The following GPC5 variants were observed in gnomAD, a reference collection of about 807,000 sequenced individuals.
GPC5 encodes the protein glypican-5.
Under a neutral mutation model 53.9 loss-of-function variants are expected in GPC5, and 47 were observed. The ratio of observed to expected loss-of-function variants is 0.87; its 90% confidence interval spans 0.69 to 1.11. The LOEUF is 1.11. GPC5 is among the 50% of genes most tolerant of loss of function. The pLI, the probability that GPC5 is intolerant of heterozygous loss-of-function variation, is 0.00. For synonymous variants in GPC5, 286 were observed against 263.3 expected, an observed-to-expected ratio of 1.09 and a Z score of -0.84; for missense variants, 748 against 713.1, an observed-to-expected ratio of 1.05 and a Z score of -0.56.
intron 2 of GPC5, among the ~76,000 whole-genome samples, chr13:91,498,007 A>G (rs776026190): frequency 1.3e-5 from 2 of 151,974 alleles, no homozygotes; most frequent in Non-Finnish European, 2.9e-5. Context: ...CCCCTGTCTA[A>G]TACTGTCCAG....
At chr13:91,436,886 A>G (rs1363946274) in intron 1 of GPC5, among the ~76,000 whole-genome samples, 2 of 152,144 alleles carry the variant, frequency 1.3e-5, no homozygotes, top group Non-Finnish European at 2.9e-5. Flanking sequence ...TTGGGTGCAT[A>G]TATATTTAAG....
chr13:92,184,107 T>TTTATAC (rs1470369597), intron 7 of GPC5, among the ~76,000 whole-genome samples: 1 of 152,128 alleles, frequency 6.6e-6, no homozygotes, highest in Non-Finnish European at 1.5e-5. Context: ...CTTTTGCTTA[T>TTTATAC]GGTGTATTAT....
intron 7 of GPC5, among the ~76,000 whole-genome samples, chr13:92,380,250 C>T (rs1594148335): frequency 6.6e-6 from 1 of 152,124 alleles, no homozygotes; most frequent in South Asian, 2.1e-4. Context: ...TTGGTGTGCC[C>T]TCTTCATTCG....
At chr13:92,751,320 A>C (rs1416282086) in intron 7 of GPC5, among the ~76,000 whole-genome samples, 2 of 147,800 alleles carry the variant, frequency 1.4e-5, no homozygotes, top group African/African-American at 5.0e-5. Flanking sequence ...AAAAAAAAAA[A>C]AAAAAAAAAA....
intron 7 of GPC5, among the ~76,000 whole-genome samples, chr13:92,704,878 T>TCAATGTGTGTATATATATATACA (rs1280477640): frequency 2.1e-3 from 319 of 150,144 alleles, no homozygotes; most frequent in African/African-American, 7.4e-3. Flanking sequence ...ATATATATAC[T>TCAATGTGTGTATATATATATACA]CAATGTGTGT....
chr13:92,042,353 C>G (rs540209642), intron 6 of GPC5, among the ~76,000 whole-genome samples: 2 of 152,186 alleles, frequency 1.3e-5, no homozygotes, highest in South Asian at 4.2e-4. Flanking sequence ...AGCACCAGGG[C>G]CTCCAAGACA....
chr13:92,204,415 T>G (rs2139065117), intron 7 of GPC5, among the ~76,000 whole-genome samples: 1 of 152,322 alleles, frequency 6.6e-6, no homozygotes, highest in South Asian at 2.1e-4. Flanking sequence ...GATTAATGTT[T>G]GCCAAGAACT....
intron 2 of GPC5, among the ~76,000 whole-genome samples, chr13:91,562,799 A>G (rs1292170991): frequency 6.6e-6 from 1 of 152,088 alleles, no homozygotes; most frequent in African/African-American, 2.4e-5. Context: ...GTTCTTAAAA[A>G]TAACCCAGAA....
chr13:91,548,960 C>A (rs2030460321), intron 2 of GPC5, among the ~76,000 whole-genome samples: 3 of 152,068 alleles, frequency 2.0e-5, no homozygotes, highest in Admixed American at 2.0e-4. Context: ...CAAAGTGGAT[C>A]ATAGACGTAA....
At chr13:91,624,586 G>T (rs573979051) in intron 2 of GPC5, among the ~76,000 whole-genome samples, 1 of 152,032 alleles carries the variant, frequency 6.6e-6, no homozygotes, top group Admixed American at 6.6e-5. Context: ...CTTTAAAGTA[G>T]AACATATTTT....
intron 2 of GPC5, among the ~76,000 whole-genome samples, chr13:91,628,476 A>ATATATCTGTCTG: frequency 2.5e-5 from 1 of 39,288 alleles, no homozygotes; most frequent in Non-Finnish European, 4.5e-5. Context: ...TATCATTTGT[A>ATATATCTGTCTG]TCTATCTGTC....
intron 7 of GPC5, among the ~76,000 whole-genome samples, chr13:92,234,993 G>A (rs926316412): frequency 6.6e-6 from 1 of 152,050 alleles, no homozygotes; most frequent in African/African-American, 2.4e-5. Context: ...AGAAGCAAAG[G>A]CAGGGGTATA....
chr13:91,613,064 T>C (rs952018264), intron 2 of GPC5, among the ~76,000 whole-genome samples: 3 of 152,224 alleles, frequency 2.0e-5, no homozygotes, highest in African/African-American at 7.2e-5. Context: ...AGTTTTTTTA[T>C]GTATAAAATG....
At chr13:91,999,663 A>T (rs2040537092) in intron 6 of GPC5, among the ~76,000 whole-genome samples, 1 of 152,180 alleles carries the variant, frequency 6.6e-6, no homozygotes, top group African/African-American at 2.4e-5. Context: ...TGAAAATCTC[A>T]TGGCCACCTT....
chr13:92,069,704 A>T (rs1298732887), intron 6 of GPC5, among the ~76,000 whole-genome samples: 1 of 152,130 alleles, frequency 6.6e-6, no homozygotes, highest in Non-Finnish European at 1.5e-5. Context: ...CATTTACAAA[A>T]TGTATAAGAT....
At chr13:91,641,197 G>C (rs370709017) in intron 2 of GPC5, among the ~76,000 whole-genome samples, 1 of 151,766 alleles carries the variant, frequency 6.6e-6, no homozygotes, top group African/African-American at 2.4e-5. Context: ...GCGTGGTGGC[G>C]GGCGCCTGTA....
At chr13:92,752,348 T>A (rs1224960360) in intron 7 of GPC5, among the ~76,000 whole-genome samples, 1 of 152,170 alleles carries the variant, frequency 6.6e-6, no homozygotes, top group Non-Finnish European at 1.5e-5. Flanking sequence ...GAACCAATGC[T>A]TTAGAGTAAA....
intron 7 of GPC5, among the ~76,000 whole-genome samples, chr13:92,836,075 A>C (rs1448895178): frequency 3.3e-5 from 5 of 151,860 alleles, no homozygotes; most frequent in Non-Finnish European, 7.4e-5. Flanking sequence ...TTTTATTTTG[A>C]CATCTTTCCT....
rs1486696818 is a variant in GPC5 at position 91,802,887 on chromosome 13, G to T, written c.1280+46467G>T. On this transcript the variant is annotated intron_variant, in intron 5 of 7. Transcript: ENST00000377067. Reference sequence around the variant, plus strand: ...GTTCTTAGCATCCTCACTCATAAAAGAAGATAATAATATTAATACTAATAC... The same window carrying T: ...GTTCTTAGCATCCTCACTCATAAAATAAGATAATAATATTAATACTAATAC... 5.9e-5 allele frequency among the ~76,000 whole-genome samples: 9 copies of T among 152,200 alleles called. No homozygotes were observed. The East Asian group carries it at 1.5e-3, about 26-fold the overall frequency.
Sources: allele counts gnomAD v4.1 joint callset (sites outside exome capture counted in the v4.1 genomes callset), GRCh38; gene constraint gnomAD v4.1.1; transcripts MANE v1.5; gene names NCBI Gene and HGNC (gene_info 2026-07-23, HGNC 2026-07-21).